The following LHFPL2 variants were observed in gnomAD, a reference collection of about 807,000 sequenced individuals.
The protein encoded by LHFPL2 is LHFPL tetraspan subfamily member 2, also known as LHFPL tetraspan subfamily member 2 protein.
In LHFPL2, 7 loss-of-function variants were observed where a neutral mutation model predicts 17.5. The observed-to-expected ratio is 0.40, with a 90% CI of 0.23 to 0.75. LHFPL2 has a LOEUF of 0.75. Among genes scored for constraint, LHFPL2 ranks in the 30% least tolerant of loss-of-function variants. The probability of loss-of-function intolerance (pLI) is 0.37; values close to 1 mark genes in which losing one functional copy is unlikely to be tolerated. For synonymous variants in LHFPL2, 134 were observed against 116.2 expected, an observed-to-expected ratio of 1.15 and a Z score of -0.99; for missense variants, 241 against 294.8, an observed-to-expected ratio of 0.82 and a Z score of 1.34.
chr5:78,506,014 C>G (rs529632888), intron 4 of LHFPL2, among the ~76,000 whole-genome samples: 94 of 152,324 alleles, frequency 6.2e-4, no homozygotes, highest in Admixed American at 1.8e-3. Context: ...AGGACATGTG[C>G]ACAGTATTTA....
At chr5:78,530,714 C>T (rs1755755913) in intron 3 of LHFPL2, among the ~76,000 whole-genome samples, 1 of 152,190 alleles carries the variant, frequency 6.6e-6, no homozygotes, top group Non-Finnish European at 1.5e-5. Context: ...CAGACTCATC[C>T]TTGGTCACCA....
At chr5:78,549,169 C>T (rs1316802370) in intron 3 of LHFPL2, 1 of 152,222 alleles carries the variant, frequency 6.6e-6, no homozygotes, top group East Asian at 1.9e-4. Context: ...TGAATGCTGC[C>T]TGCCAACAGG....
At chr5:78,512,088 C>T (rs1274310091) in intron 3 of LHFPL2, among the ~76,000 whole-genome samples, 1 of 152,128 alleles carries the variant, frequency 6.6e-6, no homozygotes, top group Non-Finnish European at 1.5e-5. Context: ...AGTAAGTGCT[C>T]AACAAATATC....
chr5:78,571,713 C>G (rs1435086307), intron 2 of LHFPL2, among the ~76,000 whole-genome samples: 1 of 152,246 alleles, frequency 6.6e-6, no homozygotes, highest in Non-Finnish European at 1.5e-5. Flanking sequence ...ACCACCCTTG[C>G]TAAAAGTGCA....
intron 3 of LHFPL2, among the ~76,000 whole-genome samples, chr5:78,542,800 A>G (rs765895173): frequency 6.6e-5 from 10 of 152,206 alleles, no homozygotes; most frequent in Non-Finnish European, 1.5e-4. Flanking sequence ...ATGCACCCTG[A>G]GGTCCAAATC....
chr5:78,597,480 C>T (rs951351633), intron 2 of LHFPL2, among the ~76,000 whole-genome samples: 1 of 152,034 alleles, frequency 6.6e-6, no homozygotes, highest in South Asian at 2.1e-4. Context: ...ACAAATATAC[C>T]AAAGTGTGTC....
intron 4 of LHFPL2, among the ~76,000 whole-genome samples, chr5:78,506,351 C>T (rs1754930104): frequency 6.6e-6 from 1 of 152,186 alleles, no homozygotes; most frequent in Non-Finnish European, 1.5e-5. Flanking sequence ...GTTGTAAGAA[C>T]AAACACAGCC....
intron 4 of LHFPL2, among the ~76,000 whole-genome samples, chr5:78,501,316 T>C (rs986125941): frequency 1.3e-5 from 2 of 152,128 alleles, no homozygotes; most frequent in Non-Finnish European, 2.9e-5. Context: ...CTTGATGAAA[T>C]GTTACCACAC....
rs550787998 is a variant in LHFPL2, at chr5:78,624,144, A to G, written c.-245+8120T>C. ...CAGAGAGCCTGCCAGCTTTAGATCA[A>G]TAAGTCCTGTGATCTTTAATACAGA... On this transcript the variant is annotated intron_variant, in intron 2 of 4. Coordinates refer to ENST00000380345, the MANE Select transcript of LHFPL2 (RefSeq NM_005779.3). Among the ~76,000 whole-genome samples the G allele has an allele frequency of 3.9e-5, 6 of 152,372 alleles. No individual in the cohort carries two copies. In the South Asian group the frequency reaches 8.3e-4, roughly 21 times the overall value.
intron 3 of LHFPL2, among the ~76,000 whole-genome samples, chr5:78,527,363 G>GTTTTTTTTTTTTTTTTTTTTTTTTT (rs35135294): frequency 9.3e-6 from 1 of 108,104 alleles, no homozygotes; most frequent in Non-Finnish European, 1.8e-5. Context: ...CTGATGAGGA[G>GTTTTTTTTTTTTTTTTTTTTTTTTT]TTTTTTTTTT....
intron 3 of LHFPL2, among the ~76,000 whole-genome samples, chr5:78,525,503 T>A (rs1755595845): frequency 6.6e-6 from 1 of 152,150 alleles, no homozygotes; most frequent in Non-Finnish European, 1.5e-5. Context: ...TAAGAACGAA[T>A]GCCCACACAG....
At position 78,583,596 on chromosome 5, in the gene LHFPL2, T is replaced by C. The variant is rs543317337; in HGVS notation, c.-244-18725A>G. Among the ~76,000 whole-genome samples, 1,184 of 151,904 alleles carry C rather than the reference T, an allele frequency of 7.8e-3. 11 individuals are homozygous for C. Among genetic ancestry groups the C allele is most frequent in the African/African-American group, 0.025 (1,050 of 41,444 alleles). ...GGTTGAAAATTCTTTTCTTTAAGAA[T>C]GTTGAATATTGGCCCCCACTCTCTT... is the stretch of plus-strand genomic sequence containing the variant. On this transcript the variant is annotated intron_variant, in intron 2 of 4. Transcript: ENST00000380345.
At chr5:78,528,309 G>A (rs1456112568) in intron 3 of LHFPL2, among the ~76,000 whole-genome samples, 1 of 152,216 alleles carries the variant, frequency 6.6e-6, no homozygotes, top group Admixed American at 6.5e-5. Context: ...ACAGCAGGAG[G>A]TGAGTGGTGG....
At chr5:78,563,275 GA>G (rs1438576855) in intron 3 of LHFPL2, among the ~76,000 whole-genome samples, 1 of 152,176 alleles carries the variant, frequency 6.6e-6, no homozygotes, top group African/African-American at 2.4e-5. Context: ...AACTGGTTCA[GA>G]AAATCACATG....
chr5:78,541,226 C>G (rs986249624), intron 3 of LHFPL2, among the ~76,000 whole-genome samples: 1 of 152,174 alleles, frequency 6.6e-6, no homozygotes, highest in Admixed American at 6.5e-5. Flanking sequence ...AAGACCTCCA[C>G]TAGCCCGAGT....
intron 3 of LHFPL2, among the ~76,000 whole-genome samples, chr5:78,544,613 C>G (rs1192438411): frequency 6.6e-6 from 1 of 152,026 alleles, no homozygotes; most frequent in Non-Finnish European, 1.5e-5. Flanking sequence ...AGTAGCTGAT[C>G]TGTGCGGATG....
intron 3 of LHFPL2, among the ~76,000 whole-genome samples, chr5:78,534,296 C>T (rs1755873611): frequency 1.3e-5 from 2 of 152,210 alleles, no homozygotes; most frequent in Admixed American, 1.3e-4. Flanking sequence ...AAGCACAGGC[C>T]TCCTGGGAAT....
intron 3 of LHFPL2, among the ~76,000 whole-genome samples, chr5:78,522,195 G>A (rs1333815637): frequency 1.3e-5 from 2 of 152,070 alleles, no homozygotes; most frequent in Admixed American, 6.6e-5. Flanking sequence ...TGTAATCTAG[G>A]GAGGCCCAGG....
rs1262509027 is a variant in LHFPL2 at position 78,510,046 on chromosome 5, G to C, written c.168C>G (p.Pro56=). ...CGTAGATGCCCAGGGTGGGGTGGTAGGGCTCCGGGGAGCCCCCGCCCGGGC... is the reference window on the plus strand; with the variant it reads ...CGTAGATGCCCAGGGTGGGGTGGTACGGCTCCGGGGAGCCCCCGCCCGGGC... ...PAGPGGGSPE[P]YHPTLGIYAR... The change falls in exon 4 of 5, where the codon CCC becomes CCG. Residue 56 remains proline, a synonymous_variant. Coordinates refer to ENST00000380345, the MANE Select transcript of LHFPL2 (RefSeq NM_005779.3). 6.2e-7 allele frequency: 1 copy of C among 1,609,912 alleles called. No individual in the cohort carries two copies. Among genetic ancestry groups the C allele is most frequent in the Non-Finnish European group, 8.5e-7 (1 of 1,178,208 alleles).
Sources: gnomAD v4.1 joint callset for allele counts (sites outside exome capture counted in the v4.1 genomes callset) on GRCh38, gnomAD v4.1.1 for gene constraint, MANE v1.5 for transcripts, NCBI Gene and HGNC (gene_info 2026-07-23, HGNC 2026-07-21) for gene names.